Variants in SYNDIG1 observed in about 807,000 individuals in gnomAD.
The protein encoded by SYNDIG1 is synapse differentiation inducing 1.
In SYNDIG1, 9 loss-of-function variants were observed where a neutral mutation model predicts 19.4. The observed-to-expected ratio is 0.46, with a 90% CI of 0.28 to 0.81. SYNDIG1 has a LOEUF of 0.81. SYNDIG1 is among the 30% of genes least tolerant of loss of function. The pLI, the probability that SYNDIG1 is intolerant of heterozygous loss-of-function variation, is 0.12. For missense variants in SYNDIG1, 311 were observed against 343.3 expected, an observed-to-expected ratio of 0.91 and a Z score of 0.74; for synonymous variants, 141 against 145.9, an observed-to-expected ratio of 0.97 and a Z score of 0.24.
chr20:24,535,802 A>G (rs1332223596), intron 1 of SYNDIG1, among the ~76,000 whole-genome samples: 1 of 152,126 alleles, frequency 6.6e-6, no homozygotes, highest in Non-Finnish European at 1.5e-5. Flanking sequence ...TTAAGCATAC[A>G]AGCATGAGAC....
intron 3 of SYNDIG1, among the ~76,000 whole-genome samples, chr20:24,598,255 A>C (rs927174845): frequency 6.6e-6 from 1 of 151,910 alleles, no homozygotes; most frequent in Admixed American, 6.5e-5. Flanking sequence ...AGTGCTTTAG[A>C]CGCACAATTC....
At chr20:24,592,029 T>C (rs1678449266) in intron 3 of SYNDIG1, among the ~76,000 whole-genome samples, 2 of 152,252 alleles carry the variant, frequency 1.3e-5, no homozygotes, top group African/African-American at 4.8e-5. Context: ...CTTCTCTCTC[T>C]GACTCCATTA....
chr20:24,492,770 C>T (rs1464794559), intron 1 of SYNDIG1, among the ~76,000 whole-genome samples: 3 of 152,252 alleles, frequency 2.0e-5, no homozygotes, highest in Non-Finnish European at 2.9e-5. Flanking sequence ...CTTTCTCCAT[C>T]TTCCTTCCCC....
intron 1 of SYNDIG1, among the ~76,000 whole-genome samples, chr20:24,492,492 A>G (rs2056185603): frequency 6.6e-6 from 1 of 152,204 alleles, no homozygotes; most frequent in Non-Finnish European, 1.5e-5. Context: ...GCTCCCCTGC[A>G]GGATAAAGGA....
At chr20:24,533,623 G>A (rs901177137) in intron 1 of SYNDIG1, among the ~76,000 whole-genome samples, 4 of 152,050 alleles carry the variant, frequency 2.6e-5, no homozygotes, top group Non-Finnish European at 5.9e-5. Flanking sequence ...ACAGCAAGTT[G>A]ATCTCTGGGG....
intron 3 of SYNDIG1, among the ~76,000 whole-genome samples, chr20:24,594,045 GT>G (rs1316742895): frequency 6.6e-6 from 1 of 151,992 alleles, no homozygotes; most frequent in Non-Finnish European, 1.5e-5. Flanking sequence ...AATTGGTATG[GT>G]TTATCAATTT....
intron 3 of SYNDIG1, among the ~76,000 whole-genome samples, chr20:24,585,491 G>T (rs866817467): frequency 2.0e-5 from 3 of 152,108 alleles, no homozygotes; most frequent in Non-Finnish European, 4.4e-5. Context: ...CCAGGTAAAC[G>T]CCCTGCTTGT....
chr20:24,494,713 C>T (rs1483870744), intron 1 of SYNDIG1, among the ~76,000 whole-genome samples: 2 of 152,134 alleles, frequency 1.3e-5, no homozygotes, highest in African/African-American at 4.8e-5. Context: ...TCCCTTTGCC[C>T]TGCAGAAGGC....
intron 3 of SYNDIG1, among the ~76,000 whole-genome samples, chr20:24,640,492 AGG>A (rs1349070436): frequency 2.2e-5 from 3 of 138,624 alleles, no homozygotes; most frequent in African/African-American, 5.2e-5. Flanking sequence ...GAAGGAAGGA[AGG>A]AAGGAAGGAA....
intron 1 of SYNDIG1, among the ~76,000 whole-genome samples, chr20:24,534,695 C>T (rs1044244503): frequency 6.6e-6 from 1 of 152,198 alleles, no homozygotes; most frequent in Non-Finnish European, 1.5e-5. Flanking sequence ...CGTGCAGGGT[C>T]CCTGCTGGTG....
At chr20:24,538,129 A>G (rs935555035) in intron 1 of SYNDIG1, among the ~76,000 whole-genome samples, 1 of 152,192 alleles carries the variant, frequency 6.6e-6, no homozygotes, top group African/African-American at 2.4e-5. Flanking sequence ...CATAAAATCT[A>G]CAATCTTAAC....
chr20:24,549,281 T>G (rs576193780), intron 2 of SYNDIG1, among the ~76,000 whole-genome samples: 5 of 152,296 alleles, frequency 3.3e-5, no homozygotes, highest in Admixed American at 3.3e-4. Context: ...TAAAATTAAC[T>G]CCTTTTAGCT....
chr20:24,586,804 C>T (rs1278412409), intron 3 of SYNDIG1, among the ~76,000 whole-genome samples: 4 of 152,188 alleles, frequency 2.6e-5, no homozygotes, highest in African/African-American at 9.6e-5. Flanking sequence ...GGAGAGGCTG[C>T]CTACGTGGCC....
At chr20:24,512,108 A>AAT (rs56002733) in intron 1 of SYNDIG1, among the ~76,000 whole-genome samples, 3,277 of 75,976 alleles carry the variant, frequency 0.043, 70 homozygotes, top group African/African-American at 0.05. Context: ...TGGTCTTTAA[A>AAT]ATATATATAT....
chr20:24,538,652 T>G (rs555472652), intron 1 of SYNDIG1, among the ~76,000 whole-genome samples: 19 of 152,344 alleles, frequency 1.2e-4, no homozygotes, highest in African/African-American at 4.3e-4. Context: ...GTAATTCTAT[T>G]TTTAATTATT....
chr20:24,548,656 G>C (rs2057640021), intron 2 of SYNDIG1, among the ~76,000 whole-genome samples: 1 of 152,232 alleles, frequency 6.6e-6, no homozygotes, highest in South Asian at 2.1e-4. Flanking sequence ...AGAGATTTGA[G>C]GTGCTGCTGA....
At chr20:24,609,091 A>G (rs1485747502) in intron 3 of SYNDIG1, among the ~76,000 whole-genome samples, 1 of 152,182 alleles carries the variant, frequency 6.6e-6, no homozygotes, top group Non-Finnish European at 1.5e-5. Flanking sequence ...TGCTCATCAC[A>G]TTACCATCTG....
chr20:24,512,913 C>T (rs748171626), intron 1 of SYNDIG1, among the ~76,000 whole-genome samples: 1 of 152,142 alleles, frequency 6.6e-6, no homozygotes, highest in Non-Finnish European at 1.5e-5. Context: ...GGCCGGGTAC[C>T]CCTCTGAGAT....
intron 3 of SYNDIG1, among the ~76,000 whole-genome samples, chr20:24,589,416 A>G (rs552946022): frequency 5.3e-5 from 8 of 152,346 alleles, no homozygotes; most frequent in Non-Finnish European, 1.2e-4. Flanking sequence ...CTGTTTGCAA[A>G]TGAAAATAGA....
Sources: gnomAD v4.1 joint callset for allele counts (sites outside exome capture counted in the v4.1 genomes callset) on GRCh38, gnomAD v4.1.1 for gene constraint, MANE v1.5 for transcripts, NCBI Gene and HGNC (gene_info 2026-07-23, HGNC 2026-07-21) for gene names.